Variants in NRG3 observed in about 807,000 individuals in gnomAD.
NRG3 encodes pro-neuregulin-3, membrane-bound isoform.
Under a neutral mutation model 66.9 loss-of-function variants are expected in NRG3, and 31 were observed. That is an observed-to-expected ratio of 0.46 (90% CI 0.35 to 0.63). The LOEUF (loss-of-function observed/expected upper bound fraction) is 0.63, where lower values mean the gene tolerates loss of function less well. NRG3 is among the 20% of genes least tolerant of loss of function. The pLI, the probability that NRG3 is intolerant of heterozygous loss-of-function variation, is 0.00. For synonymous variants in NRG3, 393 were observed against 359.4 expected, an observed-to-expected ratio of 1.09 and a Z score of -1.06; for missense variants, 910 against 878.9, an observed-to-expected ratio of 1.04 and a Z score of -0.45.
At chr10:81,937,411 C>T (rs1308244282) in intron 1 of NRG3, among the ~76,000 whole-genome samples, 1 of 152,094 alleles carries the variant, frequency 6.6e-6, no homozygotes, top group Non-Finnish European at 1.5e-5. Context: ...GTTCCAATTT[C>T]TCCACATTCT....
chr10:81,955,597 T>C (rs1225521231), intron 1 of NRG3, among the ~76,000 whole-genome samples: 1 of 152,198 alleles, frequency 6.6e-6, no homozygotes. Context: ...TACAGCATCT[T>C]ATTCTTTAAA....
At chr10:82,930,120 G>GTAA (rs945729920) in intron 4 of NRG3, among the ~76,000 whole-genome samples, 1 of 152,212 alleles carries the variant, frequency 6.6e-6, no homozygotes, top group African/African-American at 2.4e-5. Flanking sequence ...TTTTCTCAAG[G>GTAA]TAATAACATG....
intron 1 of NRG3, among the ~76,000 whole-genome samples, chr10:82,322,026 A>G (rs2081605195): frequency 6.6e-6 from 1 of 151,856 alleles, no homozygotes; most frequent in Admixed American, 6.6e-5. Flanking sequence ...AATATAAAGA[A>G]CTCCATTATC....
chr10:82,151,097 C>G (rs1264447286), intron 1 of NRG3, among the ~76,000 whole-genome samples: 1 of 152,130 alleles, frequency 6.6e-6, no homozygotes. Flanking sequence ...AAAGCAAATA[C>G]AGAAACTCAG....
At chr10:82,433,434 T>C (rs527934771) in intron 2 of NRG3, among the ~76,000 whole-genome samples, 1 of 152,348 alleles carries the variant, frequency 6.6e-6, no homozygotes, top group East Asian at 1.9e-4. Flanking sequence ...ACTCTGATGA[T>C]AATTTCTTTT....
chr10:81,997,606 G>T (rs919016852), intron 1 of NRG3, among the ~76,000 whole-genome samples: 1 of 152,032 alleles, frequency 6.6e-6, no homozygotes, highest in African/African-American at 2.4e-5. Flanking sequence ...TATCTCGGAG[G>T]CTCCGTTTCT....
chr10:82,962,997 A>G (rs1850818915), intron 6 of NRG3, among the ~76,000 whole-genome samples: 1 of 152,206 alleles, frequency 6.6e-6, no homozygotes, highest in Non-Finnish European at 1.5e-5. Context: ...AGCTTAGAAT[A>G]CAAACAGAAG....
intron 1 of NRG3, among the ~76,000 whole-genome samples, chr10:82,345,594 T>C (rs1030071479): frequency 1.3e-3 from 196 of 151,690 alleles, no homozygotes; most frequent in African/African-American, 4.4e-3. Context: ...TTTCCAATTC[T>C]GTGAAGAAAG....
At chr10:82,805,650 G>A (rs1362987418) in intron 3 of NRG3, among the ~76,000 whole-genome samples, 2 of 152,104 alleles carry the variant, frequency 1.3e-5, no homozygotes, top group Non-Finnish European at 2.9e-5. Context: ...AGACACATGA[G>A]TTAAGAGGCT....
intron 1 of NRG3, among the ~76,000 whole-genome samples, chr10:82,328,542 C>T (rs1017713631): frequency 5.9e-5 from 9 of 152,026 alleles, no homozygotes; most frequent in African/African-American, 1.2e-4. Context: ...TCTAGAGGAA[C>T]GTGGTTTATG....
At chr10:81,897,349 G>GGAAC (rs564741619) in intron 1 of NRG3, among the ~76,000 whole-genome samples, 221 of 152,234 alleles carry the variant, frequency 1.5e-3, no homozygotes, top group Middle Eastern at 3.4e-3. Flanking sequence ...GATGCTGTGT[G>GGAAC]GAACTGCACT....
intron 1 of NRG3, among the ~76,000 whole-genome samples, chr10:81,892,347 C>T (rs1356878529): frequency 6.6e-6 from 1 of 151,372 alleles, no homozygotes; most frequent in Non-Finnish European, 1.5e-5. Flanking sequence ...TATGAGGAGC[C>T]CTGGAGGAAT....
At chr10:82,590,739 A>T (rs914587298) in intron 2 of NRG3, among the ~76,000 whole-genome samples, 2 of 152,210 alleles carry the variant, frequency 1.3e-5, no homozygotes, top group Non-Finnish European at 2.9e-5. Flanking sequence ...GACACTGTTG[A>T]TGCTCAACAT....
intron 1 of NRG3, among the ~76,000 whole-genome samples, chr10:81,982,483 C>T (rs942745009): frequency 4.6e-5 from 7 of 152,156 alleles, no homozygotes; most frequent in South Asian, 2.1e-4. Flanking sequence ...CATCCCACAT[C>T]GTGGTACCAA....
At chr10:82,379,525 T>C (rs2085473308) in intron 2 of NRG3, among the ~76,000 whole-genome samples, 1 of 152,184 alleles carries the variant, frequency 6.6e-6, no homozygotes, top group Admixed American at 6.6e-5. Context: ...ATCCTTGCTT[T>C]ACTGGACTAT....
chr10:81,879,468 A>G (rs10883860), intron 1 of NRG3, among the ~76,000 whole-genome samples: 32,977 of 152,146 alleles, frequency 0.22, 4,818 homozygotes, highest in African/African-American at 0.42. Context: ...TTAGAGACAT[A>G]GAATTCTTTT....
chr10:82,289,465 G>A (rs1414757), intron 1 of NRG3, among the ~76,000 whole-genome samples: 24,736 of 152,070 alleles, frequency 0.16, 4,717 homozygotes, highest in African/African-American at 0.45. Context: ...TAATATCTGC[G>A]ATAGACTTAT....
At chr10:81,974,559 G>T (rs1416361709) in intron 1 of NRG3, among the ~76,000 whole-genome samples, 1 of 152,130 alleles carries the variant, frequency 6.6e-6, no homozygotes, top group South Asian at 2.1e-4. Context: ...GAGCAAGGTG[G>T]TCCAAGACAT....
intron 4 of NRG3, among the ~76,000 whole-genome samples, chr10:82,933,129 G>A (rs1847740863): frequency 1.3e-5 from 2 of 152,194 alleles, no homozygotes; most frequent in Admixed American, 1.3e-4. Flanking sequence ...CAGCATAGGA[G>A]CCTTCACAAC....
Sources: gnomAD v4.1 joint callset for allele counts (sites outside exome capture counted in the v4.1 genomes callset) on GRCh38, gnomAD v4.1.1 for gene constraint, MANE v1.5 for transcripts, NCBI Gene and HGNC (gene_info 2026-07-23, HGNC 2026-07-21) for gene names.